TMEM50B: variants seen among roughly 807,000 people sequenced by gnomAD.
TMEM50B encodes the protein HCV p7-trans-regulated protein 3.
TMEM50B carries 14 observed loss-of-function variants against 23.4 expected under a neutral mutation model. The ratio of observed to expected loss-of-function variants is 0.60; its 90% CI spans 0.39 to 0.93. TMEM50B has a LOEUF of 0.93. Among genes scored for constraint, TMEM50B ranks in the 40% least tolerant of loss-of-function variants. TMEM50B has a pLI of 0.00. For missense variants in TMEM50B, 159 were observed against 193.0 expected (o/e 0.82, Z 1.04); for synonymous variants, 64 against 62.3 (o/e 1.03, Z -0.13).
chr21:33,461,471 A>G (rs796148445), intron 4 of TMEM50B, among the ~76,000 whole-genome samples: 11 of 152,304 alleles, frequency 7.2e-5, no homozygotes, highest in African/African-American at 2.6e-4. Flanking sequence ...ATTATATTCA[A>G]TCATAGCTTT....
chr21:33,458,017 G>A (rs1179956452), intron 5 of TMEM50B, among the ~76,000 whole-genome samples: 1 of 152,164 alleles, frequency 6.6e-6, no homozygotes, highest in African/African-American at 2.4e-5. Flanking sequence ...TATAGCTACA[G>A]ACAATCTAAA....
intron 8 of TMEM50B, chr21:33,437,525 G>A (rs2083969230): frequency 6.6e-6 from 1 of 152,482 alleles, no homozygotes; most frequent in African/African-American, 2.4e-5. Flanking sequence ...AAGTCTATGT[G>A]AAGTGTTTTC....
At chr21:33,456,468 C>T (rs1347850431) in intron 5 of TMEM50B, among the ~76,000 whole-genome samples, 1 of 152,120 alleles carries the variant, frequency 6.6e-6, no homozygotes, top group African/African-American at 2.4e-5. Flanking sequence ...TGGTTACTAT[C>T]TTTATAGGAA....
chr21:33,461,102 T>C (rs1188363140), intron 4 of TMEM50B, among the ~76,000 whole-genome samples: 1 of 152,200 alleles, frequency 6.6e-6, no homozygotes, highest in Non-Finnish European at 1.5e-5. Context: ...CTTGAGTAGA[T>C]TCAACATATT....
intron 1 of TMEM50B, among the ~76,000 whole-genome samples, chr21:33,478,195 C>T (rs2084391841): frequency 6.6e-6 from 1 of 151,578 alleles, no homozygotes; most frequent in Non-Finnish European, 1.5e-5. Flanking sequence ...AGGCCAGGCG[C>T]GGTGCCCACA....
intron 8 of TMEM50B, chr21:33,437,098 A>ACCTGCTGTCTCTCAT: frequency 2.5e-6 from 2 of 787,764 alleles, no homozygotes; most frequent in Non-Finnish European, 2.1e-6. Context: ...CAGACATGAG[A>ACCTGCTGTCTCTCAT]GACAGCAGGT....
At chr21:33,471,863 G>A (rs554054664) in intron 1 of TMEM50B, among the ~76,000 whole-genome samples, 11 of 151,224 alleles carry the variant, frequency 7.3e-5, no homozygotes, top group South Asian at 2.1e-4. Flanking sequence ...GTGAAACCCC[G>A]TCTCTACTAA....
intron 5 of TMEM50B, 58 bp downstream of exon 5, chr21:33,460,354 CA>C (rs758110815): frequency 9.1e-7 from 1 of 1,098,566 alleles, no homozygotes; most frequent in South Asian, 1.3e-5. Flanking sequence ...TAGAGTAAGC[CA>C]AATATAAAAG....
At chr21:33,473,827 C>T (rs1025715020) in intron 1 of TMEM50B, among the ~76,000 whole-genome samples, 4 of 152,134 alleles carry the variant, frequency 2.6e-5, no homozygotes, top group African/African-American at 9.7e-5. Context: ...CATAGCACAT[C>T]CATACAACGA....
At chr21:33,442,307 T>C (rs886154327) in intron 7 of TMEM50B, among the ~76,000 whole-genome samples, 1 of 152,094 alleles carries the variant, frequency 6.6e-6, no homozygotes, top group Non-Finnish European at 1.5e-5. Context: ...AGTGACGTCT[T>C]TCTCCTTGTT....
At chr21:33,455,946 T>C (rs1336362136) in intron 5 of TMEM50B, 162 bp from the exon 6 acceptor site, 9 of 700,886 alleles carry the variant, frequency 1.3e-5, no homozygotes, top group Non-Finnish European at 2.4e-5. Flanking sequence ...AAAATGCCAA[T>C]TTAATTCCCC....
intron 4 of TMEM50B, 47 bp downstream of exon 4, chr21:33,465,295 A>G: frequency 6.8e-7 from 1 of 1,471,670 alleles, no homozygotes; most frequent in South Asian, 1.2e-5. Context: ...TTCTGGTGAC[A>G]AATTTCTGTT....
rs760445865 is a variant in TMEM50B at position 33,449,675 on chromosome 21, T to C, written c.*1143A>G. 10 of 152,290 alleles carry C rather than the reference T, an allele frequency of 6.6e-5. No homozygotes were observed. Among genetic ancestry groups the C allele is most frequent in the African/African-American group, 9.6e-5 (4 of 41,466 alleles). 9.4% of individuals were successfully genotyped at this position (152,290 alleles called of 1,614,324 possible). ...TAACTGAGTAGATGAAATGCATAAT[T>C]TTTCACTAGGTGATAATTCCCTTTG... On this transcript the variant is annotated 3_prime_UTR_variant, in exon 7 of 7. Coordinates refer to ENST00000542230, the MANE Select transcript of TMEM50B (RefSeq NM_006134.7).
downstream of TMEM50B, chr21:33,448,932 CAG>C (rs2084091919): frequency 6.6e-6 from 1 of 151,430 alleles, no homozygotes. Flanking sequence ...AAATTCATGG[CAG>C]AGTCAGAAAT....
chr21:33,478,670 C>A (rs1601140743), intron 1 of TMEM50B: 1 of 438,448 alleles, frequency 2.3e-6, no homozygotes, highest in Middle Eastern at 7.0e-4. Context: ...TCTAATTAAA[C>A]CTGCTTTTCC....
At chr21:33,447,626 C>T (rs1348642511), downstream of TMEM50B, among the ~76,000 whole-genome samples, 3 of 151,318 alleles carry the variant, frequency 2.0e-5, no homozygotes, top group Non-Finnish European at 4.4e-5. Context: ...TTCAGTCTTC[C>T]AATTTCATTA....
At chr21:33,442,504 C>T (rs916175029) in intron 7 of TMEM50B, among the ~76,000 whole-genome samples, 1 of 152,140 alleles carries the variant, frequency 6.6e-6, no homozygotes, top group Non-Finnish European at 1.5e-5. Flanking sequence ...CCTAAAAATT[C>T]ATCCCATTGT....
Position 33,466,955 on chromosome 21 carries a change from C to T in TMEM50B, c.212+55G>A, listed in dbSNP as rs1409433584. 3.1e-5 allele frequency: 45 copies of T among 1,448,976 alleles called. No individual in the cohort carries two copies. The Admixed American group carries it at 7.9e-4, about 25-fold the overall frequency. 89.8% of individuals were successfully genotyped at this position (1,448,976 alleles called of 1,614,324 possible). ...TATTCAAGAAAGCACTGCACATTAA[C>T]AGGAAAGTATTTTTAGAAAAATCAC... is the stretch of plus-strand genomic sequence containing the variant. On this transcript the variant is annotated intron_variant, in intron 3 of 6. Coordinates refer to ENST00000542230, the MANE Select transcript of TMEM50B (RefSeq NM_006134.7).
At chr21:33,465,142 A>AT in intron 4 of TMEM50B, 200 bp downstream of exon 4, 1 of 478,948 alleles carries the variant, frequency 2.1e-6, no homozygotes, top group East Asian at 3.3e-5. Flanking sequence ...TGGGCAGTGT[A>AT]ACATGACAAA....
Sources: allele counts gnomAD v4.1 joint callset (sites outside exome capture counted in the v4.1 genomes callset), GRCh38; gene constraint gnomAD v4.1.1; transcripts MANE v1.5; gene names NCBI Gene and HGNC (gene_info 2026-07-23, HGNC 2026-07-21).